The following PHKB variants were observed in gnomAD, a reference collection of about 807,000 sequenced individuals.
PHKB encodes phosphorylase b kinase regulatory subunit beta.
In PHKB, 122 loss-of-function variants were observed where a neutral mutation model predicts 152.1. That is an observed-to-expected ratio of 0.80 (90% CI 0.69 to 0.93). The LOEUF is 0.93. Ranked by LOEUF, PHKB falls within the 40% of genes least tolerant of loss-of-function variation. The pLI is 0.00. For missense variants in PHKB, 1,304 were observed against 1,328.4 expected (o/e 0.98, Z 0.29); for synonymous variants, 436 against 464.9 (o/e 0.94, Z 0.80).
chr16:47,682,496 G>A lies in PHKB; in HGVS notation c.2631-6545G>A, dbSNP rs185439080. ...CTCTTTTCTCTAAACTTCTCTTCTCGCTTCATTTCATTCATTTCGTCTTCC... is the reference window on the plus strand; with the variant it reads ...CTCTTTTCTCTAAACTTCTCTTCTCACTTCATTTCATTCATTTCGTCTTCC... On this transcript the variant is annotated intron_variant, in intron 26 of 30. Coordinates refer to ENST00000323584, the MANE Select transcript of PHKB (RefSeq NM_000293.3). 5.1e-4 allele frequency among the ~76,000 whole-genome samples: 77 copies of A among 151,992 alleles called. 1 individual carries two copies. The East Asian group carries it at 7.1e-3, about 14-fold the overall frequency.
At chr16:47,471,402 TG>T (rs1426639516) in intron 1 of PHKB, among the ~76,000 whole-genome samples, 1 of 152,168 alleles carries the variant, frequency 6.6e-6, no homozygotes, top group African/African-American at 2.4e-5. Context: ...GTTGTAAGGC[TG>T]GATTAGTATT....
chr16:47,622,988 T>C (rs1218031824), intron 14 of PHKB, among the ~76,000 whole-genome samples: 1 of 152,198 alleles, frequency 6.6e-6, no homozygotes, highest in Non-Finnish European at 1.5e-5. Context: ...AATTTTTGTT[T>C]TTAAGGAAGT....
chr16:47,610,691 C>G (rs1972410671), intron 13 of PHKB, 135 bp from the exon 14 acceptor site: 1 of 690,854 alleles, frequency 1.4e-6, no homozygotes, highest in Non-Finnish European at 2.6e-6. Context: ...GTGGTATATC[C>G]TGGTGGAGGA....
At chr16:47,660,312 A>G (rs1973416298) in intron 20 of PHKB, among the ~76,000 whole-genome samples, 194 bp from the exon 21 acceptor site, 1 of 152,032 alleles carries the variant, frequency 6.6e-6, no homozygotes. Context: ...TGTATATTCT[A>G]TTTTAGGGTT....
chr16:47,523,874 G>C (rs1970724450), intron 6 of PHKB, among the ~76,000 whole-genome samples: 1 of 152,206 alleles, frequency 6.6e-6, no homozygotes, highest in South Asian at 2.1e-4. Flanking sequence ...CATTCAAATA[G>C]TAACAGTTTA....
chr16:47,553,296 C>T (rs1364526671), intron 7 of PHKB, among the ~76,000 whole-genome samples: 2 of 152,006 alleles, frequency 1.3e-5, no homozygotes, highest in Non-Finnish European at 2.9e-5. Flanking sequence ...TCTTCAATCT[C>T]TGATATCCTT....
chr16:47,616,175 A>G (rs999044895), intron 14 of PHKB, among the ~76,000 whole-genome samples: 9 of 152,170 alleles, frequency 5.9e-5, no homozygotes, highest in African/African-American at 2.2e-4. Context: ...CTAATTTTGA[A>G]GAAGCCTCAT....
rs77331872 is a variant in PHKB, at chr16:47,510,523, C to T, written c.406-1142C>T. On this transcript the variant is annotated intron_variant, in intron 4 of 30. Coordinates refer to ENST00000323584, the MANE Select transcript of PHKB (RefSeq NM_000293.3). ...AGGAAATTCGAAGGGTTCTTGGAGCCGTGTGCCCAGAACTAGGAAGGTAGA... is the reference window on the plus strand; with the variant it reads ...AGGAAATTCGAAGGGTTCTTGGAGCTGTGTGCCCAGAACTAGGAAGGTAGA... Among the ~76,000 whole-genome samples, 559 of 152,184 alleles carry T rather than the reference C, an allele frequency of 3.7e-3. 5 individuals carry two copies. The highest frequency in any genetic ancestry group is 0.013 in the African/African-American group (520 of 41,518).
At chr16:47,523,132 C>T (rs1567291202) in intron 6 of PHKB, among the ~76,000 whole-genome samples, 1 of 152,040 alleles carries the variant, frequency 6.6e-6, no homozygotes, top group Non-Finnish European at 1.5e-5. Flanking sequence ...AGTGTTTGGA[C>T]TTTATCAGGG....
At chr16:47,604,163 T>C (rs906966123) in intron 13 of PHKB, among the ~76,000 whole-genome samples, 2 of 152,034 alleles carry the variant, frequency 1.3e-5, no homozygotes, top group African/African-American at 4.8e-5. Context: ...TGTCTAGTAA[T>C]TTTTTTTGCC....
At chr16:47,503,218 A>G in intron 4 of PHKB, 128 bp downstream of exon 4, 1 of 734,144 alleles carries the variant, frequency 1.4e-6, no homozygotes, top group Non-Finnish European at 2.4e-6. Context: ...AGGGCGGCCT[A>G]GATAGGTTAA....
At chr16:47,541,742 G>A (rs1219933124) in intron 6 of PHKB, among the ~76,000 whole-genome samples, 1 of 152,170 alleles carries the variant, frequency 6.6e-6, no homozygotes, top group Non-Finnish European at 1.5e-5. Context: ...TTTCTCTGAC[G>A]ACCAGTGATG....
chr16:47,617,490 G>A (rs539850213), intron 14 of PHKB, among the ~76,000 whole-genome samples: 5 of 151,926 alleles, frequency 3.3e-5, no homozygotes, highest in African/African-American at 1.2e-4. Context: ...TACTTTTTGT[G>A]TGTATGAATT....
chr16:47,523,173 T>C (rs1970714124), intron 6 of PHKB, among the ~76,000 whole-genome samples: 1 of 152,156 alleles, frequency 6.6e-6, no homozygotes, highest in Non-Finnish European at 1.5e-5. Flanking sequence ...TTTTCAGATA[T>C]ACAGACCACA....
chr16:47,657,080 A>G (rs1973351973), intron 20 of PHKB, among the ~76,000 whole-genome samples: 3 of 151,662 alleles, frequency 2.0e-5, no homozygotes, highest in African/African-American at 7.3e-5. Flanking sequence ...TTCTCCTTTC[A>G]TTGTCCTTCT....
At chr16:47,515,698 T>C in intron 6 of PHKB, 97 bp downstream of exon 6, 1 of 702,842 alleles carries the variant, frequency 1.4e-6, no homozygotes, top group Non-Finnish European at 2.6e-6. Flanking sequence ...TTATGTAAAA[T>C]GTATTCCTGT....
chr16:47,570,143 G>A (rs1217330433), intron 7 of PHKB, among the ~76,000 whole-genome samples: 1 of 152,200 alleles, frequency 6.6e-6, no homozygotes, highest in African/African-American at 2.4e-5. Flanking sequence ...CAAGATTTCA[G>A]CTGAGAAGTT....
chr16:47,476,515 A>T (rs1021523716), intron 1 of PHKB, among the ~76,000 whole-genome samples: 1 of 152,158 alleles, frequency 6.6e-6, no homozygotes, highest in Non-Finnish European at 1.5e-5. Context: ...TCAGGATGTA[A>T]GGTTTTAGTT....
At chr16:47,470,043 A>C (rs1969737351) in intron 1 of PHKB, among the ~76,000 whole-genome samples, 1 of 152,202 alleles carries the variant, frequency 6.6e-6, no homozygotes, top group Non-Finnish European at 1.5e-5. Flanking sequence ...AGTGCTTTAC[A>C]TTTAAATCTC....
Sources: allele counts gnomAD v4.1 joint callset (sites outside exome capture counted in the v4.1 genomes callset), GRCh38; gene constraint gnomAD v4.1.1; transcripts MANE v1.5; gene names NCBI Gene and HGNC (gene_info 2026-07-23, HGNC 2026-07-21).